The following HTT variants were observed in gnomAD, a reference collection of about 807,000 sequenced individuals.
HTT encodes huntingtin.
Under a neutral mutation model 362.3 loss-of-function variants are expected in HTT, and 104 were observed. That is an observed-to-expected ratio of 0.29 (90% CI 0.24 to 0.34). The LOEUF (loss-of-function observed/expected upper bound fraction) is 0.34. Ranked by LOEUF, HTT falls within the 10% of genes least tolerant of loss-of-function variation. The pLI is 1.00. For missense variants in HTT, 3,301 were observed against 3,928.6 expected, an observed-to-expected ratio of 0.84 and a Z score of 4.27; for synonymous variants, 1,577 against 1,548.7, an observed-to-expected ratio of 1.02 and a Z score of -0.43.
rs1474205592 is a variant in HTT, at chr4:3,121,315, A to G, written c.1156A>G (p.Thr386Ala). 6.2e-7 allele frequency: 1 copy of G among 1,614,004 alleles called. No homozygotes were observed. The change falls in exon 9 of 67, where the codon ACG (threonine) becomes GCG (alanine). Residue 386 changes from threonine (T) to alanine (A), a missense_variant. Thr to Ala is a moderately conservative substitution (Grantham distance 58). Transcript: ENST00000355072. ...GGAGCTGTTGCAGCAGCTCTTCAGA[A>G]CGCCTCCACCCGAGCTTCTGCAAAC... ...ALELLQQLFR[T>A]PPPELLQTLT...
At chr4:3,209,104 A>G (rs1377261267) in intron 46 of HTT, among the ~76,000 whole-genome samples, 193 bp downstream of exon 46, 1 of 152,078 alleles carries the variant, frequency 6.6e-6, no homozygotes, top group African/African-American at 2.4e-5. Context: ...CTGATGTGGG[A>G]CCCTTTTGGT....
In HTT at chr4:3,238,351, G is replaced by A. The variant is rs563225942; in HGVS notation, c.8892-96G>A. The A allele has an allele frequency of 3.3e-5, 29 of 873,746 alleles. No homozygotes were observed. In the South Asian group the frequency reaches 3.4e-4, roughly 10 times the overall value. 54.1% of individuals were successfully genotyped at this position (873,746 alleles called of 1,614,324 possible). On this transcript the variant is annotated intron_variant, in intron 64 of 66. Transcript: ENST00000355072. ...TCCCTCCCAGCCCTGATTTCACATCGGCATTTTCCCCAGTATTAGAGCCAA... is the reference window on the plus strand; with the variant it reads ...TCCCTCCCAGCCCTGATTTCACATCAGCATTTTCCCCAGTATTAGAGCCAA...
Position 3,241,087 on chromosome 4 carries a change from T to TGGGGTGGCGTCTGCCTAG in HTT, c.*1030_*1047dup. On this transcript the variant is annotated 3_prime_UTR_variant, in exon 67 of 67. Transcript: ENST00000355072. The stretch of plus-strand genomic sequence containing the variant: ...TCCCACTCCTGTTCCTTGCTAGCCC[T>TGGGGTGGCGTCTGCCTAG]GGGGTGGCGTCTGCCTAGGAGCTGG... 1 of 152,516 alleles carries TGGGGTGGCGTCTGCCTAG rather than the reference T, an allele frequency of 6.6e-6. No individual in the cohort carries two copies. Among genetic ancestry groups the TGGGGTGGCGTCTGCCTAG allele is most frequent in the Non-Finnish European group, 1.5e-5 (1 of 68,306 alleles). The allele number at this position is 152,516 out of a possible 1,614,324, so 9.4% of individuals were successfully genotyped here.
At chr4:3,115,855 G>A (rs1437655308) in intron 7 of HTT, among the ~76,000 whole-genome samples, 1 of 152,234 alleles carries the variant, frequency 6.6e-6, no homozygotes, top group Non-Finnish European at 1.5e-5. Flanking sequence ...GTGGACGTGC[G>A]ATATGAAATA....
chr4:3,148,211 A>G lies in HTT; in HGVS notation c.3498+4A>G, dbSNP rs1215572809. The G allele has an allele frequency of 6.4e-7, 1 of 1,558,088 alleles. No individual in the cohort carries two copies. Among genetic ancestry groups the G allele is most frequent in the Non-Finnish European group, 8.7e-7 (1 of 1,149,558 alleles). On this transcript the variant is annotated splice_donor_region_variant and intron_variant, in intron 26 of 66. Coordinates refer to ENST00000355072, the MANE Select transcript of HTT (RefSeq NM_001388492.1). ...GGCTCCTGGACCCGCAATAAAGGTA[A>G]TGTCCCACTTGGGTGCTGGATTCAT...
chr4:3,192,480 A>G (rs1156407102), intron 40 of HTT, among the ~76,000 whole-genome samples: 3 of 152,114 alleles, frequency 2.0e-5, no homozygotes, highest in African/African-American at 4.8e-5. Context: ...AAGTAGGCCT[A>G]TGTGATTGGC....
At chr4:3,131,874 G>C (rs1033428750) in intron 16 of HTT, 99 bp downstream of exon 16, 12 of 1,171,540 alleles carry the variant, frequency 1.0e-5, no homozygotes, top group African/African-American at 4.6e-5. Context: ...TAAGTGTTTT[G>C]AGTTCATTTG....
intron 12 of HTT, chr4:3,128,908 T>A (rs1715655538): frequency 6.6e-6 from 1 of 152,246 alleles, no homozygotes; most frequent in South Asian, 2.1e-4. Flanking sequence ...ACACTGAAGC[T>A]CTGTTCCCAT....
chr4:3,094,323 G>A (rs533353866), intron 2 of HTT, among the ~76,000 whole-genome samples: 6 of 152,222 alleles, frequency 3.9e-5, no homozygotes, highest in East Asian at 1.9e-4. Context: ...TTCTTTCTAC[G>A]CAGACACAGT....
At chr4:3,212,473 A>G (rs1720205720) in intron 48 of HTT, 91 bp from the exon 49 acceptor site, 4 of 1,472,656 alleles carry the variant, frequency 2.7e-6, no homozygotes, top group Non-Finnish European at 3.7e-6. Context: ...TTGAGCTTTC[A>G]TCAGATTCTC....
chr4:3,157,955 CAATCTA>C (rs1717234274), intron 28 of HTT, among the ~76,000 whole-genome samples: 1 of 151,780 alleles, frequency 6.6e-6, no homozygotes, highest in Non-Finnish European at 1.5e-5. Flanking sequence ...TTTGTTATAT[CAATCTA>C]TCTGTCTGCT....
intron 64 of HTT, among the ~76,000 whole-genome samples, chr4:3,236,928 G>A (rs1424626835): frequency 4.6e-5 from 7 of 152,174 alleles, no homozygotes; most frequent in African/African-American, 1.7e-4. Flanking sequence ...GCACTGCCTT[G>A]CCTGTGCTCT....
chr4:3,190,448 C>T (rs778111327), intron 40 of HTT, among the ~76,000 whole-genome samples: 5 of 151,266 alleles, frequency 3.3e-5, no homozygotes, highest in Non-Finnish European at 7.4e-5. Flanking sequence ...TGATCAAGGA[C>T]GGTGAAGGTT....
intron 47 of HTT, among the ~76,000 whole-genome samples, chr4:3,210,277 C>T (rs984054808): frequency 1.3e-5 from 2 of 152,186 alleles, no homozygotes; most frequent in African/African-American, 4.8e-5. Context: ...AACTATCTGG[C>T]CTCCACTGGA....
At chr4:3,160,989 G>T (rs1332985691) in intron 29 of HTT, among the ~76,000 whole-genome samples, 9 of 152,010 alleles carry the variant, frequency 5.9e-5, no homozygotes, top group East Asian at 1.9e-4. Flanking sequence ...TGTTACATAG[G>T]TATACACGTG....
chr4:3,087,054 A>C (rs754970220), intron 2 of HTT, 32 bp downstream of exon 2: 5 of 1,208,272 alleles, frequency 4.1e-6, no homozygotes, highest in Non-Finnish European at 6.0e-6. Context: ...TAGAGAAAAT[A>C]AGAACTTTGT....
chr4:3,135,017 T>C lies in HTT; in HGVS notation c.2633+477T>C, dbSNP rs1313855374. Among the ~76,000 whole-genome samples the C allele has an allele frequency of 1.3e-5, 2 of 152,138 alleles. 1 individual carries two copies. The highest frequency in any genetic ancestry group is 1.3e-4 in the Admixed American group (2 of 15,280). Reference sequence around the variant, plus strand: ...GATTACAGGCATGAGCCACTGTGCCTGGCCTAGAATTTTAAAATATAAGTA... The same window carrying C: ...GATTACAGGCATGAGCCACTGTGCCCGGCCTAGAATTTTAAAATATAAGTA... On this transcript the variant is annotated intron_variant, in intron 19 of 66. Coordinates refer to ENST00000355072, the MANE Select transcript of HTT (RefSeq NM_001388492.1).
In HTT at chr4:3,148,100, G is replaced by A; in HGVS notation, c.3391G>A (p.Asp1131Asn). 1 of 1,614,022 alleles carries A rather than the reference G, an allele frequency of 6.2e-7. No individual in the cohort carries two copies. The highest frequency in any genetic ancestry group is 1.7e-4 in the Middle Eastern group (1 of 6,050). ...KQEEVWPALG[D>N]RALVPMVEQL... ...AGAGGAGGTCTGGCCAGCCCTGGGG[G>A]ACCGGGCCCTGGTGCCCATGGTGGA... The change falls in exon 26 of 67, where the codon GAC becomes AAC. Residue 1131 changes from aspartate to asparagine, a missense_variant. Around this residue, in one of 4 missense-constraint regions of HTT, gnomAD observed 2,316 missense variants for 2,658.5 expected, o/e 0.87. Coordinates refer to ENST00000355072, the MANE Select transcript of HTT (RefSeq NM_001388492.1).
chr4:3,087,105 C>A, intron 2 of HTT, 83 bp downstream of exon 2: 1 of 711,798 alleles, frequency 1.4e-6, no homozygotes, highest in South Asian at 2.1e-5. Flanking sequence ...CTTTGTGTCC[C>A]AGCTATTTTA....
Sources: allele counts gnomAD v4.1 joint callset (sites outside exome capture counted in the v4.1 genomes callset), GRCh38; gene constraint gnomAD v4.1.1; regional missense constraint gnomAD v4.1.1; transcripts MANE v1.5; gene names NCBI Gene and HGNC (gene_info 2026-07-23, HGNC 2026-07-21).